Variants in ERLIN2 observed in about 807,000 individuals in gnomAD.
ERLIN2 encodes erlin-2.
A neutral mutation model predicts 41.5 loss-of-function variants in ERLIN2; 22 were observed. The observed-to-expected ratio is 0.53, with a 90% CI of 0.38 to 0.76. The LOEUF (loss-of-function observed/expected upper bound fraction) is 0.76, where lower values mean the gene tolerates loss of function less well. Among genes scored for constraint, ERLIN2 ranks in the 30% least tolerant of loss-of-function variants. The pLI, the probability that ERLIN2 is intolerant of heterozygous loss-of-function variation, is 0.00. For missense variants in ERLIN2, 247 were observed against 414.3 expected (o/e 0.60, Z 3.51); for synonymous variants, 149 against 150.9 (o/e 0.99, Z 0.09).
In ERLIN2 at chr8:37,740,403, T is replaced by A; in HGVS notation, c.146T>A (p.Phe49Tyr). 6.2e-7 allele frequency: 1 copy of A among 1,613,258 alleles called. No individual in the cohort carries two copies. Among genetic ancestry groups the A allele is most frequent in the Admixed American group, 1.7e-5 (1 of 59,980 alleles). Reference protein sequence around the residue: ...ALLTSTSGPGFHLMLPFITSY... With the variant: ...ALLTSTSGPGYHLMLPFITSY... ...CTGACTTCGACCAGCGGCCCTGGTT[T>A]CCATCTCATGCTCCCTTTCATCACA... is the stretch of plus-strand genomic sequence containing the variant. The change falls in exon 3 of 12, where the codon TTC becomes TAC. Residue 49 changes from phenylalanine (F) to tyrosine (Y), a missense_variant. By Grantham distance (22) the Phe-to-Tyr change is conservative. Transcript: ENST00000519638.
Position 37,754,278 on chromosome 8 carries a change from G to A in ERLIN2, c.*163G>A. 2.9e-6 allele frequency: 2 copies of A among 683,900 alleles called. No individual in the cohort carries two copies. The highest frequency in any genetic ancestry group is 1.6e-5 in the South Asian group (1 of 61,580). 42.4% of individuals were successfully genotyped at this position (683,900 alleles called of 1,614,324 possible). A position where few individuals can be genotyped will look rare whatever the true frequency, so the allele number is the denominator to read the frequency against. On this transcript the variant is annotated 3_prime_UTR_variant, in exon 12 of 12. Transcript: ENST00000519638. ...ATCCACTCCCTTTCTAGGGAAAGGA[G>A]GGTGGGGACTGATGATGGGGGGTTT... is the stretch of plus-strand genomic sequence containing the variant.
chr8:37,743,487 C>G (rs1802927006), intron 4 of ERLIN2, among the ~76,000 whole-genome samples: 1 of 152,136 alleles, frequency 6.6e-6, no homozygotes, highest in South Asian at 2.1e-4. Context: ...TTTTGGATTA[C>G]AGCCCACCCT....
Position 37,740,510 on chromosome 8 carries a change from T to C in ERLIN2, c.189+64T>C, listed in dbSNP as rs564128958. On this transcript the variant is annotated intron_variant, in intron 3 of 11. Coordinates refer to ENST00000519638, the MANE Select transcript of ERLIN2 (RefSeq NM_007175.8). ...ACTTGGGCTGTTAACTAGTGCATGATTTGAAATTATTTAGCCATTGGATGA... is the reference window on the plus strand; with the variant it reads ...ACTTGGGCTGTTAACTAGTGCATGACTTGAAATTATTTAGCCATTGGATGA... 3.5e-6 allele frequency: 4 copies of C among 1,135,844 alleles called. No individual in the cohort carries two copies. In the African/African-American group the frequency reaches 4.6e-5, roughly 13 times the overall value. The allele number at this position is 1,135,844 out of a possible 1,614,324, so 70.4% of individuals were successfully genotyped here.
In ERLIN2 at chr8:37,754,554, A is replaced by G. The variant is rs1190732085; in HGVS notation, c.*439A>G. 2 of 251,416 alleles carry G rather than the reference A, an allele frequency of 8.0e-6. No individual in the cohort carries two copies. The highest frequency in any genetic ancestry group is 1.6e-5 in the Non-Finnish European group (2 of 127,358). The allele number at this position is 251,416 out of a possible 1,614,324, so 15.6% of individuals were successfully genotyped here. On this transcript the variant is annotated 3_prime_UTR_variant, in exon 12 of 12. Transcript: ENST00000519638. ...TGTGGGTGAGGCTCAGCAACTGAGCAAATATGTGCCTGTGAGTTTGCCAGT... is the reference window on the plus strand; with the variant it reads ...TGTGGGTGAGGCTCAGCAACTGAGCGAATATGTGCCTGTGAGTTTGCCAGT...
At chr8:37,738,121 CTATT>C (rs776473406) in intron 2 of ERLIN2, 92 bp downstream of exon 2, 38 of 1,467,052 alleles carry the variant, frequency 2.6e-5, no homozygotes, top group Non-Finnish European at 3.1e-5. Context: ...CTGAACATCT[CTATT>C]TATATTTCCT....
At chr8:37,740,853 T>C (rs1802828115) in intron 3 of ERLIN2, 1 of 152,580 alleles carries the variant, frequency 6.6e-6, no homozygotes, top group South Asian at 2.1e-4. Context: ...TGAGGGGAGG[T>C]GACATCTAAA....
chr8:37,747,715 C>T lies in ERLIN2; in HGVS notation c.425-1844C>T, dbSNP rs761928751. The T allele has an allele frequency of 2.5e-6, 4 of 1,578,638 alleles. No homozygotes were observed. The African/African-American group carries it at 5.4e-5, about 21-fold the overall frequency. ...CTGGGATTGGTAGAAGAGCAGCAGTCCACACTTTGCACATTTCTTTCTGTA... is the reference window on the plus strand; with the variant it reads ...CTGGGATTGGTAGAAGAGCAGCAGTTCACACTTTGCACATTTCTTTCTGTA... On this transcript the variant is annotated intron_variant, in intron 6 of 11. Transcript: ENST00000519638.
At chr8:37,744,122 T>G (rs2129676604) in intron 4 of ERLIN2, among the ~76,000 whole-genome samples, 1 of 152,304 alleles carries the variant, frequency 6.6e-6, no homozygotes, top group East Asian at 1.9e-4. Context: ...TCCCCAAAAG[T>G]CTCATTCATG....
At chr8:37,747,005 A>G (rs1247943505) in intron 6 of ERLIN2, among the ~76,000 whole-genome samples, 1 of 152,250 alleles carries the variant, frequency 6.6e-6, no homozygotes, top group Non-Finnish European at 1.5e-5. Context: ...CTTTGAAGAA[A>G]GAATAAAACC....
At chr8:37,747,699 G>T in intron 6 of ERLIN2, 1 of 1,582,958 alleles carries the variant, frequency 6.3e-7, no homozygotes, top group South Asian at 1.1e-5. Flanking sequence ...GCTGGGATTG[G>T]TAGAAGAGCA....
chr8:37,748,037 A>G (rs772985372), intron 6 of ERLIN2: 7 of 1,577,612 alleles, frequency 4.4e-6, no homozygotes, highest in Non-Finnish European at 6.1e-6. Context: ...AACTCTACGC[A>G]AAGAAGAGGG....
At chr8:37,746,930 T>G (rs1803070709) in intron 6 of ERLIN2, among the ~76,000 whole-genome samples, 1 of 152,168 alleles carries the variant, frequency 6.6e-6, no homozygotes, top group African/African-American at 2.4e-5. Flanking sequence ...TAAATATAAT[T>G]CACGCTGCTT....
rs1757695407 is a variant in ERLIN2, at chr8:37,755,563, C to G, written c.*1448C>G. ...GTTATGAGCTGACCCCCACCCCCCACCCCCCACCCCCCCCCCCCGCCAACT... is the reference window on the plus strand; with the variant it reads ...GTTATGAGCTGACCCCCACCCCCCAGCCCCCACCCCCCCCCCCCGCCAACT... On this transcript the variant is annotated 3_prime_UTR_variant, in exon 12 of 12. Coordinates refer to ENST00000519638, the MANE Select transcript of ERLIN2 (RefSeq NM_007175.8). 1 of 26,942 alleles carries G rather than the reference C, an allele frequency of 3.7e-5. No homozygotes were observed. The highest frequency in any genetic ancestry group is 8.1e-5 in the Non-Finnish European group (1 of 12,336). The allele number at this position is 26,942 out of a possible 1,614,324, so 1.7% of individuals were successfully genotyped here.
chr8:37,749,081 T>G (rs1012606552), intron 6 of ERLIN2, among the ~76,000 whole-genome samples: 25 of 152,250 alleles, frequency 1.6e-4, no homozygotes, highest in African/African-American at 6.0e-4. Context: ...TGTTTTTCTT[T>G]TAGAAACTTC....
intron 2 of ERLIN2, among the ~76,000 whole-genome samples, chr8:37,738,792 G>A (rs2129644230): frequency 6.6e-6 from 1 of 152,228 alleles, no homozygotes; most frequent in African/African-American, 2.4e-5. Flanking sequence ...GGCTGAGGTG[G>A]GAGGATCACT....
intron 6 of ERLIN2, chr8:37,745,784 T>C (rs1803024762): frequency 6.9e-7 from 1 of 1,444,022 alleles, no homozygotes; most frequent in Non-Finnish European, 9.1e-7. Context: ...TTTGTAGTCT[T>C]TTATCTGTTT....
At chr8:37,749,932 C>T in intron 8 of ERLIN2, 80 bp downstream of exon 8, 1 of 1,233,168 alleles carries the variant, frequency 8.1e-7, no homozygotes, top group South Asian at 1.2e-5. Context: ...GTAACCAAAG[C>T]TGCCAGGCTT....
At position 37,753,925 on chromosome 8, in the gene ERLIN2, C is replaced by G; in HGVS notation, c.830C>G (p.Thr277Ser). Residue 277 changes from threonine to serine, a missense_variant, in exon 12 of 12, where the codon ACC becomes AGC. Coordinates refer to ENST00000519638, the MANE Select transcript of ERLIN2 (RefSeq NM_007175.8). ...TTTTTTTTTTAACAGCTGAAGCTAACCCCTGAATATCTGCAGCTGATGAAG... is the reference window on the plus strand; with the variant it reads ...TTTTTTTTTTAACAGCTGAAGCTAAGCCCTGAATATCTGCAGCTGATGAAG... Reference protein sequence around the residue: ...KIAEANKLKLTPEYLQLMKYK... With the variant: ...KIAEANKLKLSPEYLQLMKYK... 6 of 1,613,088 alleles carry G rather than the reference C, an allele frequency of 3.7e-6. No individual in the cohort carries two copies. Among genetic ancestry groups the G allele is most frequent in the Non-Finnish European group, 5.1e-6 (6 of 1,179,434 alleles).
chr8:37,737,004 C>A, intron 1 of ERLIN2: 1 of 985,762 alleles, frequency 1.0e-6, no homozygotes, highest in Non-Finnish European at 1.2e-6. Context: ...CGGAGGCCGC[C>A]ACGGTAAAAT....
Sources: gnomAD v4.1 joint callset for allele counts (sites outside exome capture counted in the v4.1 genomes callset) on GRCh38, gnomAD v4.1.1 for gene constraint, MANE v1.5 for transcripts, NCBI Gene and HGNC (gene_info 2026-07-23, HGNC 2026-07-21) for gene names.